Variants in ATAD2B observed in about 807,000 individuals in gnomAD.
ATAD2B encodes the protein ATPase family AAA domain-containing protein 2B.
Under a neutral mutation model 167.6 loss-of-function variants are expected in ATAD2B, and 40 were observed. That is an observed-to-expected ratio of 0.24 (90% confidence interval 0.19 to 0.31). ATAD2B has a LOEUF of 0.31. Among genes scored for constraint, ATAD2B ranks in the 10% least tolerant of loss-of-function variants. The pLI is 1.00. For missense variants in ATAD2B, 1,242 were observed against 1,757.2 expected, an observed-to-expected ratio of 0.71 and a Z score of 5.24; for synonymous variants, 579 against 596.5, an observed-to-expected ratio of 0.97 and a Z score of 0.43.
chr2:23,884,209 T>C (rs573233037), intron 6 of ATAD2B, among the ~76,000 whole-genome samples: 17 of 152,270 alleles, frequency 1.1e-4, no homozygotes, highest in African/African-American at 3.9e-4. Flanking sequence ...AATTTATAAT[T>C]CATGGGGCCA....
At chr2:23,754,457 CT>C in intron 26 of ATAD2B, 150 bp from the exon 27 acceptor site, 1 of 1,128,090 alleles carries the variant, frequency 8.9e-7, no homozygotes, top group Non-Finnish European at 1.2e-6. Flanking sequence ...AAATCATTCC[CT>C]TAGAATATCT....
At position 23,924,073 on chromosome 2, in the gene ATAD2B, C is replaced by T. The variant is rs867738380; in HGVS notation, c.216+2482G>A. Among the ~76,000 whole-genome samples the T allele has an allele frequency of 4.1e-5, 6 of 147,846 alleles. No individual in the cohort carries two copies. The South Asian group carries it at 1.4e-3, about 34-fold the overall frequency. ...TGGCGGGCGCCTGTAGTCCCAGCTA[C>T]TCGGGAGGCTGAGGCAGGAGAATGG... On this transcript the variant is annotated intron_variant, in intron 1 of 27. Coordinates refer to ENST00000238789, the MANE Select transcript of ATAD2B (RefSeq NM_017552.4).
chr2:23,684,954 G>C, the ATAD2B span, among the ~76,000 whole-genome samples: 1 of 152,204 alleles, frequency 6.6e-6, no homozygotes, highest in East Asian at 1.9e-4. This position sits in a 1 kb window ranked among gnomAD's most constrained non-coding sequence, Gnocchi z 4.4. Flanking sequence ...CGTCCCTGCT[G>C]TCGGTGGTGA....
intron 1 of ATAD2B, among the ~76,000 whole-genome samples, chr2:23,917,966 G>C (rs1015142282): frequency 6.6e-6 from 1 of 151,870 alleles, no homozygotes; most frequent in Non-Finnish European, 1.5e-5. Flanking sequence ...GCTGAGGCAG[G>C]AGAATCGCTT....
At chr2:23,909,479 T>TAC (rs904374310) in intron 1 of ATAD2B, among the ~76,000 whole-genome samples, 12 of 147,968 alleles carry the variant, frequency 8.1e-5, no homozygotes, top group Admixed American at 2.7e-4. Flanking sequence ...CATATATATA[T>TAC]ACATACATAC....
At position 23,750,835 on chromosome 2, in the gene ATAD2B, A is replaced by G. The variant is rs1029732773; in HGVS notation, c.*1211T>C. 3 of 152,174 alleles carry G rather than the reference A, an allele frequency of 2.0e-5. No homozygotes were observed. The highest frequency in any genetic ancestry group is 4.4e-5 in the Non-Finnish European group (3 of 68,004). The allele number at this position is 152,174 out of a possible 1,614,324, so 9.4% of individuals were successfully genotyped here. ...ACATACAATTCACAGAAATCACTCA[A>G]CAAGATTCAAAATGGTTTCCAATCA... On this transcript the variant is annotated 3_prime_UTR_variant, in exon 28 of 28. Transcript: ENST00000238789.
At chr2:23,884,698 C>A in intron 6 of ATAD2B, 67 bp downstream of exon 6, 1 of 831,322 alleles carries the variant, frequency 1.2e-6, no homozygotes, top group South Asian at 2.1e-5. Flanking sequence ...ACATATATTA[C>A]TTGTATATTT....
intron 7 of ATAD2B, among the ~76,000 whole-genome samples, chr2:23,876,422 C>G (rs1274903806): frequency 6.6e-6 from 1 of 151,976 alleles, no homozygotes; most frequent in Non-Finnish European, 1.5e-5. Flanking sequence ...CTGCCTCAGC[C>G]TCCTGAGTAG....
chr2:23,783,375 G>A (rs1171987054), intron 21 of ATAD2B, among the ~76,000 whole-genome samples: 6 of 149,382 alleles, frequency 4.0e-5, no homozygotes, highest in African/African-American at 2.5e-5. Context: ...TATGACTTCA[G>A]GAAAAAAATT....
intron 19 of ATAD2B, among the ~76,000 whole-genome samples, chr2:23,792,222 T>C (rs1681859934): frequency 6.6e-6 from 1 of 152,160 alleles, no homozygotes; most frequent in East Asian, 1.9e-4. Flanking sequence ...CTAATTTTTG[T>C]ATTTTTAGTA....
chr2:23,768,715 A>G (rs1469379472), intron 22 of ATAD2B, among the ~76,000 whole-genome samples: 1 of 152,102 alleles, frequency 6.6e-6, no homozygotes, highest in Non-Finnish European at 1.5e-5. Context: ...ATCAGTTTAT[A>G]TTTTCTAGAA....
At chr2:23,906,275 A>C (rs1701481077) in intron 1 of ATAD2B, among the ~76,000 whole-genome samples, 1 of 152,002 alleles carries the variant, frequency 6.6e-6, no homozygotes, top group African/African-American at 2.4e-5. Context: ...TGGAAGGCGG[A>C]GGCTGCAGTG....
At chr2:23,891,796 C>CTTA (rs1297382816) in intron 2 of ATAD2B, among the ~76,000 whole-genome samples, 1 of 151,884 alleles carries the variant, frequency 6.6e-6, no homozygotes. Flanking sequence ...AGCCGCTGCA[C>CTTA]CTAACCCTGT....
chr2:23,732,676 G>C, the ATAD2B span, among the ~76,000 whole-genome samples: 2 of 152,074 alleles, frequency 1.3e-5, no homozygotes, highest in African/African-American at 4.8e-5. Flanking sequence ...ACAGCCCACT[G>C]TACCCCCAAA....
intron 10 of ATAD2B, among the ~76,000 whole-genome samples, chr2:23,866,958 T>C (rs1288585068): frequency 6.6e-6 from 1 of 152,216 alleles, no homozygotes; most frequent in African/African-American, 2.4e-5. Context: ...CCGAGTCTTG[T>C]GCCTGTTTTT....
the ATAD2B span, among the ~76,000 whole-genome samples, chr2:23,687,016 A>G: frequency 6.6e-6 from 1 of 152,090 alleles, no homozygotes; most frequent in Non-Finnish European, 1.5e-5. Context: ...CTTGGTGGTC[A>G]AGAGAGAAGC....
chr2:23,841,795 C>T (rs1025038675), intron 13 of ATAD2B, among the ~76,000 whole-genome samples: 8 of 152,306 alleles, frequency 5.3e-5, no homozygotes, highest in Admixed American at 2.0e-4. Flanking sequence ...GAATTACAAG[C>T]GTGAGCCACT....
intron 18 of ATAD2B, among the ~76,000 whole-genome samples, chr2:23,806,585 T>C (rs1015369517): frequency 6.6e-6 from 1 of 152,162 alleles, no homozygotes; most frequent in Non-Finnish European, 1.5e-5. Flanking sequence ...CTCTTTTTTT[T>C]TAACTTCTCC....
intron 13 of ATAD2B, among the ~76,000 whole-genome samples, chr2:23,838,345 G>C (rs1160209090): frequency 3.3e-5 from 5 of 152,042 alleles, no homozygotes; most frequent in African/African-American, 1.2e-4. Flanking sequence ...GAATTTATCT[G>C]CATTTTTAAG....
Sources: allele counts gnomAD v4.1 joint callset (sites outside exome capture counted in the v4.1 genomes callset), GRCh38; gene constraint gnomAD v4.1.1; non-coding constraint Gnocchi (gnomAD v3.1); transcripts MANE v1.5; gene names NCBI Gene and HGNC (gene_info 2026-07-23, HGNC 2026-07-21).